The following WWOX variants were observed in gnomAD, a reference collection of about 807,000 sequenced individuals.
The protein encoded by WWOX is WW domain-containing oxidoreductase.
In WWOX, 69 loss-of-function variants were observed where a neutral mutation model predicts 46.2. That is an observed-to-expected ratio of 1.49 (90% CI 1.23 to 1.82). The LOEUF (loss-of-function observed/expected upper bound fraction) is 1.82, where lower values mean the gene tolerates loss of function less well. Among genes scored for constraint, WWOX ranks in the 40% most tolerant of loss-of-function variants. WWOX has a pLI of 0.00. For synonymous variants in WWOX, 359 were observed against 202.6 expected (o/e 1.77, Z -6.56); for missense variants, 919 against 542.6 (o/e 1.69, Z -6.89).
chr16:78,493,612 A>G (rs4888807), intron 8 of WWOX, among the ~76,000 whole-genome samples: 111,721 of 152,152 alleles, frequency 0.73, 43,685 homozygotes, highest in Admixed American at 0.86. Flanking sequence ...GCAAAAATGA[A>G]AATAATGAGC....
At chr16:78,595,072 G>A (rs2045455287) in intron 8 of WWOX, among the ~76,000 whole-genome samples, 1 of 152,210 alleles carries the variant, frequency 6.6e-6, no homozygotes. Flanking sequence ...CCCCAGGGTG[G>A]AAGCTGCCAT....
chr16:79,104,336 T>C (rs2049265250), intron 8 of WWOX, among the ~76,000 whole-genome samples: 1 of 152,202 alleles, frequency 6.6e-6, no homozygotes, highest in South Asian at 2.1e-4. Context: ...AGACACATCA[T>C]TTTCCTTCAA....
At chr16:78,939,122 C>A (rs1597178512) in intron 8 of WWOX, among the ~76,000 whole-genome samples, 1 of 152,194 alleles carries the variant, frequency 6.6e-6, no homozygotes, top group Admixed American at 6.5e-5. Context: ...ATTTTCTGCC[C>A]ATTGACTTGG....
intron 8 of WWOX, among the ~76,000 whole-genome samples, chr16:78,983,870 C>CTTTTTTTTTTTTTTT (rs760130115): frequency 1.3e-5 from 1 of 79,844 alleles, no homozygotes; most frequent in Non-Finnish European, 2.2e-5. Context: ...GAGAGCTATT[C>CTTTTTTTTTTTTTTT]TTTTTTTTTT....
intron 5 of WWOX, among the ~76,000 whole-genome samples, chr16:78,382,688 C>G (rs572681105): frequency 2.6e-5 from 4 of 152,250 alleles, no homozygotes; most frequent in Non-Finnish European, 5.9e-5. Flanking sequence ...CTAATTCTAA[C>G]ACTTCTTAAT....
At chr16:78,793,202 A>C (rs2050652158) in intron 8 of WWOX, among the ~76,000 whole-genome samples, 2 of 152,096 alleles carry the variant, frequency 1.3e-5, no homozygotes, top group South Asian at 2.1e-4. Flanking sequence ...CCTCCCAAGT[A>C]ACTGGGACCA....
chr16:78,722,459 G>C (rs964849299), intron 8 of WWOX, among the ~76,000 whole-genome samples: 2 of 152,154 alleles, frequency 1.3e-5, no homozygotes, highest in African/African-American at 4.8e-5. Flanking sequence ...ACTTGGCATA[G>C]TTCCTGTCAC....
At chr16:78,517,895 C>T (rs540176187) in intron 8 of WWOX, among the ~76,000 whole-genome samples, 5 of 104,574 alleles carry the variant, frequency 4.8e-5, no homozygotes, top group Admixed American at 1.4e-4. Flanking sequence ...GAATGTGTAA[C>T]TTTAAATGAA....
intron 8 of WWOX, among the ~76,000 whole-genome samples, chr16:79,171,864 G>A (rs745397991): frequency 1.3e-5 from 2 of 152,110 alleles, no homozygotes; most frequent in Non-Finnish European, 2.9e-5. Context: ...AAACAAATAT[G>A]ATCACAGAAG....
chr16:78,460,839 C>T (rs1007241651), intron 8 of WWOX, among the ~76,000 whole-genome samples: 4 of 152,346 alleles, frequency 2.6e-5, no homozygotes, highest in African/African-American at 4.8e-5. Context: ...TTAGTTTGCT[C>T]TGTTACGTGA....
intron 8 of WWOX, among the ~76,000 whole-genome samples, chr16:78,667,635 C>T (rs1317501636): frequency 1.5e-5 from 2 of 130,504 alleles, no homozygotes; most frequent in African/African-American, 3.0e-5. Flanking sequence ...CGTGCCACTG[C>T]ATCCCAGCCT....
At chr16:79,135,965 A>G (rs2049974236) in intron 8 of WWOX, among the ~76,000 whole-genome samples, 1 of 152,148 alleles carries the variant, frequency 6.6e-6, no homozygotes, top group African/African-American at 2.4e-5. Flanking sequence ...CCACCTTCGA[A>G]TGGCTGACTA....
At chr16:78,972,923 C>T (rs953325350) in intron 8 of WWOX, among the ~76,000 whole-genome samples, 2 of 152,144 alleles carry the variant, frequency 1.3e-5, no homozygotes, top group African/African-American at 2.4e-5. Context: ...GCCTCCCGAC[C>T]GAAGGGCTGA....
intron 5 of WWOX, among the ~76,000 whole-genome samples, chr16:78,322,220 TTTG>T (rs1444387550): frequency 6.6e-6 from 1 of 152,118 alleles, no homozygotes; most frequent in Non-Finnish European, 1.5e-5. Flanking sequence ...CCATCTGGAT[TTTG>T]TTAATGCTGA....
intron 8 of WWOX, among the ~76,000 whole-genome samples, chr16:78,460,676 C>G (rs763968205): frequency 1.8e-4 from 28 of 152,164 alleles, no homozygotes; most frequent in Non-Finnish European, 3.2e-4. Flanking sequence ...TGTGTCCTTG[C>G]TTTTGAAGAA....
intron 8 of WWOX, among the ~76,000 whole-genome samples, chr16:78,735,935 T>C (rs2049081650): frequency 1.3e-5 from 2 of 152,058 alleles, no homozygotes; most frequent in South Asian, 4.1e-4. Context: ...CACCTCCGAA[T>C]AGGTGGGCCT....
chr16:79,128,396 A>C (rs895522528), intron 8 of WWOX, among the ~76,000 whole-genome samples: 11 of 152,290 alleles, frequency 7.2e-5, no homozygotes, highest in East Asian at 1.9e-4. Flanking sequence ...CAAAAAAAAA[A>C]ACACTAAACC....
intron 8 of WWOX, among the ~76,000 whole-genome samples, chr16:78,680,250 A>G (rs955867468): frequency 6.6e-6 from 1 of 152,022 alleles, no homozygotes; most frequent in African/African-American, 2.4e-5. Context: ...CTCTGCAGAA[A>G]ATACAAAAAT....
intron 5 of WWOX, among the ~76,000 whole-genome samples, chr16:78,228,272 A>C (rs886383267): frequency 1.3e-5 from 2 of 151,490 alleles, no homozygotes; most frequent in African/African-American, 4.9e-5. Context: ...GGGAGATGGC[A>C]TCAGCTGCAT....
Sources: gnomAD v4.1 joint callset for allele counts (sites outside exome capture counted in the v4.1 genomes callset) on GRCh38, gnomAD v4.1.1 for gene constraint, MANE v1.5 for transcripts, NCBI Gene and HGNC (gene_info 2026-07-23, HGNC 2026-07-21) for gene names.